The following MYO9A variants were observed in gnomAD, a reference collection of about 807,000 sequenced individuals.
The protein encoded by MYO9A is unconventional myosin-IXa.
Under a neutral mutation model 293.3 loss-of-function variants are expected in MYO9A, and 103 were observed. That is an observed-to-expected ratio of 0.35 (90% CI 0.30 to 0.41). The LOEUF is 0.41. Among genes scored for constraint, MYO9A ranks in the 10% least tolerant of loss-of-function variants. The pLI is 1.00. For synonymous variants in MYO9A, 1,001 were observed against 1,035.7 expected (o/e 0.97, Z 0.64); for missense variants, 2,685 against 3,033.0 (o/e 0.89, Z 2.69).
At position 72,056,090 on chromosome 15, in the gene MYO9A, T is replaced by A. The variant is rs559901247; in HGVS notation, c.-71-9456A>T. ...TAAAAATGTAAAAATTAGCTGGGCA[T>A]GGTGGCACGGGCCTGTAGCCCCAAC... On this transcript the variant is annotated intron_variant, in intron 1 of 41. Transcript: ENST00000356056. 2.6e-5 allele frequency among the ~76,000 whole-genome samples: 4 copies of A among 152,232 alleles called. No homozygotes were observed. The South Asian group carries it at 8.3e-4, about 32-fold the overall frequency.
Position 71,851,238 on chromosome 15 carries a change from G to C in MYO9A, c.6581+15C>G, listed in dbSNP as rs2055633764. ...AGAAACTATTAAAAATCGTTCCCTTGCTTCTTAAAGTTACCTGACTAGATG... is the reference window on the plus strand; with the variant it reads ...AGAAACTATTAAAAATCGTTCCCTTCCTTCTTAAAGTTACCTGACTAGATG... On this transcript the variant is annotated intron_variant, in intron 37 of 41. Coordinates refer to ENST00000356056, the MANE Select transcript of MYO9A (RefSeq NM_006901.4). 6.3e-7 allele frequency: 1 copy of C among 1,591,498 alleles called. No individual in the cohort carries two copies. The highest frequency in any genetic ancestry group is 8.6e-7 in the Non-Finnish European group (1 of 1,163,166).
rs1302006873 is a variant in MYO9A at position 71,959,830 on chromosome 15, T to G, written c.2182+71A>C. On this transcript the variant is annotated intron_variant, in intron 14 of 41. Transcript: ENST00000356056. ...TCATAGCAAGAATTCTACTCCTTTT[T>G]GTGGAGAAGTAGAAAGGTAAAAAAA... 4 of 1,330,234 alleles carry G rather than the reference T, an allele frequency of 3.0e-6. No individual in the cohort carries two copies. In the Admixed American group the frequency reaches 1.0e-4, roughly 34 times the overall value. 82.4% of individuals were successfully genotyped at this position (1,330,234 alleles called of 1,614,324 possible).
intron 29 of MYO9A, 38 bp downstream of exon 29, chr15:71,880,297 G>C (rs1162811923): frequency 1.3e-6 from 2 of 1,558,134 alleles, no homozygotes; most frequent in Non-Finnish European, 1.8e-6. Flanking sequence ...TCCATACACA[G>C]AGCTGCTCCA....
chr15:71,850,263 A>C, intron 37 of MYO9A, 96 bp from the exon 38 acceptor site: 1 of 1,425,858 alleles, frequency 7.0e-7, no homozygotes. Flanking sequence ...AGAAGACAGT[A>C]TGACATGAAC....
chr15:71,842,989 T>C (rs1029065722), intron 39 of MYO9A, among the ~76,000 whole-genome samples: 2 of 152,266 alleles, frequency 1.3e-5, no homozygotes, highest in East Asian at 3.9e-4. Context: ...AAAAGACCTT[T>C]TCCCCTCTCT....
chr15:71,868,831 A>T lies in MYO9A; in HGVS notation c.5980-6220T>A, dbSNP rs146822148. On this transcript the variant is annotated intron_variant, in intron 32 of 41. Coordinates refer to ENST00000356056, the MANE Select transcript of MYO9A (RefSeq NM_006901.4). ...TTAGACTTCTCAGTATATATATTTT[A>T]AAAAAAAGTTTGAATGGTAAAAATA... Among the ~76,000 whole-genome samples the T allele has an allele frequency of 9.5e-3, 1,442 of 152,128 alleles. 27 individuals are homozygous for T. Among genetic ancestry groups the T allele is most frequent in the African/African-American group, 0.033 (1,367 of 41,500 alleles).
At chr15:71,848,778 C>T (rs2055502301) in intron 39 of MYO9A, 67 bp downstream of exon 39, 2 of 1,528,682 alleles carry the variant, frequency 1.3e-6, no homozygotes, top group South Asian at 1.3e-5. Context: ...TTGTATACAC[C>T]ACAAAAGCAC....
At chr15:71,914,605 C>A (rs2057955130) in intron 19 of MYO9A, among the ~76,000 whole-genome samples, 2 of 152,066 alleles carry the variant, frequency 1.3e-5, no homozygotes, top group Admixed American at 1.3e-4. Context: ...GGCAAAGGGC[C>A]TGGAAAACAT....
chr15:72,065,153 A>T (rs1306453874), intron 1 of MYO9A, among the ~76,000 whole-genome samples: 1 of 152,192 alleles, frequency 6.6e-6, no homozygotes, highest in African/African-American at 2.4e-5. Flanking sequence ...ATGGACAAAA[A>T]TTACTTTATG....
At position 72,064,545 on chromosome 15, in the gene MYO9A, G is replaced by A. The variant is rs577600057; in HGVS notation, c.-71-17911C>T. Among the ~76,000 whole-genome samples, 34 of 152,234 alleles carry A rather than the reference G, an allele frequency of 2.2e-4. No homozygotes were observed. The Middle Eastern group carries it at 0.01, about 46-fold the overall frequency. On this transcript the variant is annotated intron_variant, in intron 1 of 41. Transcript: ENST00000356056. Reference sequence around the variant, plus strand: ...GGAACTCTCTGGAGTTAACGGAAACGTTACACTTATTTTTGGTGGTAATTA... The same window carrying A: ...GGAACTCTCTGGAGTTAACGGAAACATTACACTTATTTTTGGTGGTAATTA...
rs2306488 is a variant in MYO9A at position 71,999,774 on chromosome 15, A to G, written c.1470+77T>C. The G allele has an allele frequency of 0.22, 249,265 of 1,145,144 alleles. 28,172 individuals are homozygous for G. The highest frequency in any genetic ancestry group is 0.37 in the East Asian group (14,753 of 39,344). The allele number at this position is 1,145,144 out of a possible 1,614,324, so 70.9% of individuals were successfully genotyped here. On this transcript the variant is annotated intron_variant, in intron 9 of 41. Transcript: ENST00000356056. ...TTGCCATTGTCATTTTCATGCTGTT[A>G]AGAGAAAACCCAAACTTCAAACCTA...
intron 1 of MYO9A, among the ~76,000 whole-genome samples, chr15:72,084,359 CCTCT>C (rs1375056275): frequency 6.6e-5 from 10 of 152,002 alleles, no homozygotes; most frequent in Non-Finnish European, 1.5e-5. Context: ...TTTCTCCATC[CCTCT>C]ATTTTGAGCC....
intron 18 of MYO9A, among the ~76,000 whole-genome samples, chr15:71,928,344 T>C (rs1206864853): frequency 2.0e-5 from 3 of 151,668 alleles, no homozygotes; most frequent in African/African-American, 7.3e-5. Flanking sequence ...CCCAAAGTGC[T>C]GTCTAATATA....
chr15:71,854,563 G>A lies in MYO9A; in HGVS notation c.6160C>T (p.Pro2054Ser). 1.3e-6 allele frequency: 2 copies of A among 1,582,468 alleles called. No individual in the cohort carries two copies. Among genetic ancestry groups the A allele is most frequent in the Non-Finnish European group, 1.7e-6 (2 of 1,167,764 alleles). Residue 2054 changes from proline (P) to serine (S), a missense_variant, in exon 35 of 42, where the codon CCA (proline) becomes TCA (serine). Pro to Ser is a moderately conservative substitution (Grantham distance 74). Transcript: ENST00000356056. ...TTAKCSKKYDPELSSRQFGVE... is the reference protein window; with the variant it reads ...TTAKCSKKYDSELSSRQFGVE... ...CCAAATTGTCGAGATGACAGCTCTGGATCATACTAAATGAAAGATAATTTT... is the reference window on the plus strand; with the variant it reads ...CCAAATTGTCGAGATGACAGCTCTGAATCATACTAAATGAAAGATAATTTT...
chr15:71,910,520 T>G (rs766470016), intron 19 of MYO9A, among the ~76,000 whole-genome samples: 110 of 152,288 alleles, frequency 7.2e-4, no homozygotes, highest in Non-Finnish European at 1.2e-3. Flanking sequence ...AAAATTTTGC[T>G]ATGAACATAC....
chr15:72,059,663 T>A (rs1038371495), intron 1 of MYO9A, among the ~76,000 whole-genome samples: 3 of 152,210 alleles, frequency 2.0e-5, no homozygotes, highest in Non-Finnish European at 4.4e-5. Flanking sequence ...CATTGAGATA[T>A]CCTGAACTTA....
rs750426979 is a variant in MYO9A, at chr15:71,826,871, C to T, written c.7356G>A (p.Gln2452=). The T allele has an allele frequency of 6.2e-7, 1 of 1,614,118 alleles. No homozygotes were observed. Among genetic ancestry groups the T allele is most frequent in the South Asian group, 1.1e-5 (1 of 91,084 alleles). ...ASSHGTRKLF[Q]IYSKSPFYRA... is the part of the protein sequence containing the mutation. ...GGTAGAATGGAGATTTGGAATAAATCTGAAATAGTTTTCTGGTCCCATGAG... is the reference window on the plus strand; with the variant it reads ...GGTAGAATGGAGATTTGGAATAAATTTGAAATAGTTTTCTGGTCCCATGAG... The change falls in exon 42 of 42, where the codon CAG becomes CAA. Residue 2452 remains glutamine (Q), a synonymous_variant. Transcript: ENST00000356056.
intron 18 of MYO9A, among the ~76,000 whole-genome samples, chr15:71,929,905 T>C (rs1350752629): frequency 6.6e-6 from 1 of 152,208 alleles, no homozygotes; most frequent in East Asian, 1.9e-4. Context: ...AATTTTCTTG[T>C]AGTACTTTCG....
chr15:71,916,416 TGAA>T lies in MYO9A; in HGVS notation c.2636_2638del (p.Leu879del). On this transcript the variant is annotated inframe_deletion, in exon 19 of 42. Transcript: ENST00000356056. The stretch of plus-strand genomic sequence containing the variant: ...GGGAGGTTTTTTCTTCTTGTGTAAA[TGAA>T]GAAGAGACTTGGTAATGCGATCTTG... 1.2e-6 allele frequency: 2 copies of T among 1,613,546 alleles called. No homozygotes were observed. Among genetic ancestry groups the T allele is most frequent in the Non-Finnish European group, 8.5e-7 (1 of 1,179,768 alleles).
Sources: gnomAD v4.1 joint callset for allele counts (sites outside exome capture counted in the v4.1 genomes callset) on GRCh38, gnomAD v4.1.1 for gene constraint, MANE v1.5 for transcripts, NCBI Gene and HGNC (gene_info 2026-07-23, HGNC 2026-07-21) for gene names.